The following SUFU variants were observed in gnomAD, a reference collection of about 807,000 sequenced individuals.
SUFU encodes suppressor of fused homolog.
A neutral mutation model predicts 58.9 loss-of-function variants in SUFU; 7 were observed. The observed-to-expected ratio is 0.12, with a 90% CI of 0.07 to 0.22. SUFU has a LOEUF of 0.22. SUFU is among the 10% of genes least tolerant of loss of function. The pLI is 1.00. For synonymous variants in SUFU, 232 were observed against 254.8 expected, an observed-to-expected ratio of 0.91 and a Z score of 0.85; for missense variants, 451 against 641.3, an observed-to-expected ratio of 0.70 and a Z score of 3.20.
chr10:102,596,556 T>C (rs2063463831), intron 6 of SUFU, among the ~76,000 whole-genome samples: 1 of 152,216 alleles, frequency 6.6e-6, no homozygotes, highest in Admixed American at 6.5e-5. Flanking sequence ...TCCAGAGTCC[T>C]TTGCTAAACA....
At chr10:102,526,036 G>A (rs2062604699) in intron 2 of SUFU, among the ~76,000 whole-genome samples, 1 of 152,098 alleles carries the variant, frequency 6.6e-6, no homozygotes, top group Non-Finnish European at 1.5e-5. Context: ...GAGCTCAGGA[G>A]TTCTGGGCTA....
At chr10:102,579,944 A>G in intron 3 of SUFU, 1 of 824,102 alleles carries the variant, frequency 1.2e-6, no homozygotes, top group Non-Finnish European at 1.5e-6. Flanking sequence ...GCGCCATTTG[A>G]CCAGCTATGA....
intron 2 of SUFU, among the ~76,000 whole-genome samples, chr10:102,514,377 G>C (rs563336658): frequency 6.6e-6 from 1 of 152,280 alleles, no homozygotes; most frequent in East Asian, 1.9e-4. Context: ...AGAGTATGAT[G>C]ATTTGATAAG....
intron 8 of SUFU, among the ~76,000 whole-genome samples, chr10:102,605,930 G>A (rs2063558822): frequency 6.6e-6 from 1 of 152,202 alleles, no homozygotes; most frequent in Non-Finnish European, 1.5e-5. Context: ...CACTGCAGAC[G>A]TCATGACTCA....
rs2063804913 is a variant in SUFU at position 102,628,257 on chromosome 10, G to T, written c.1365+1014G>T. 6.6e-6 allele frequency among the ~76,000 whole-genome samples: 1 copy of T among 152,222 alleles called. No homozygotes were observed. The highest frequency in any genetic ancestry group is 1.5e-5 in the Non-Finnish European group (1 of 68,028). ...AGGCCTCTGGTGTTTAGGAAGCTGA[G>T]GGGAGTGCACAGGGCGGGACCGTCC... On this transcript the variant is annotated intron_variant, in intron 11 of 11. Coordinates refer to ENST00000369902, the MANE Select transcript of SUFU (RefSeq NM_016169.4). The surrounding 1 kb of genome is among the most constrained non-coding windows in gnomAD (Gnocchi z 4.5).
intron 2 of SUFU, among the ~76,000 whole-genome samples, chr10:102,544,116 T>A (rs1391414449): frequency 6.6e-6 from 1 of 151,820 alleles, no homozygotes; most frequent in East Asian, 1.9e-4. Context: ...AAAGATGAGC[T>A]TTGGAGTTAT....
intron 3 of SUFU, among the ~76,000 whole-genome samples, chr10:102,589,377 A>G (rs1034230795): frequency 1.3e-5 from 2 of 150,928 alleles, no homozygotes; most frequent in East Asian, 1.9e-4. Context: ...ATACAATATC[A>G]TGCTATCCAT....
At chr10:102,545,712 G>C (rs1449952714) in intron 2 of SUFU, among the ~76,000 whole-genome samples, 2 of 152,252 alleles carry the variant, frequency 1.3e-5, no homozygotes, top group Middle Eastern at 3.4e-3. Context: ...AGTGGCTCAC[G>C]CCTGTAATCC....
chr10:102,595,496 G>A (rs2063451729), intron 6 of SUFU, among the ~76,000 whole-genome samples: 1 of 152,196 alleles, frequency 6.6e-6, no homozygotes, highest in African/African-American at 2.4e-5. Context: ...GGGGCACTGT[G>A]GGCCGTTGTT....
chr10:102,617,863 G>A lies in SUFU; in HGVS notation c.1296+435G>A. The A allele has an allele frequency of 2.6e-6, 1 of 386,260 alleles. No individual in the cohort carries two copies. The highest frequency in any genetic ancestry group is 4.6e-6 in the Non-Finnish European group (1 of 216,114). 23.9% of individuals were successfully genotyped at this position (386,260 alleles called of 1,614,324 possible). On this transcript the variant is annotated intron_variant, in intron 10 of 11. Coordinates refer to ENST00000369902, the MANE Select transcript of SUFU (RefSeq NM_016169.4). This position sits in a 1 kb window ranked among gnomAD's most constrained non-coding sequence, Gnocchi z 4.4. The stretch of plus-strand genomic sequence containing the variant: ...ATTCAGACAGTGGCATGTGTGCCTG[G>A]ACCAGGGCTGGGCAGGCCTCAGTGG...
chr10:102,577,106 T>TG (rs1443653723), intron 3 of SUFU, among the ~76,000 whole-genome samples: 1 of 127,648 alleles, frequency 7.8e-6, no homozygotes, highest in Non-Finnish European at 1.6e-5. Context: ...TTTTTTGAGA[T>TG]GGAGTCTCAC....
chr10:102,525,843 A>G (rs2062603033), intron 2 of SUFU, among the ~76,000 whole-genome samples: 1 of 152,228 alleles, frequency 6.6e-6, no homozygotes, highest in African/African-American at 2.4e-5. Context: ...CTAAATATCC[A>G]GTGCTTTCTT....
At chr10:102,545,400 C>T (rs1483705403) in intron 2 of SUFU, among the ~76,000 whole-genome samples, 2 of 149,584 alleles carry the variant, frequency 1.3e-5, no homozygotes, top group Non-Finnish European at 3.0e-5. Flanking sequence ...CCCCAAAGTG[C>T]TGGTATTACA....
At chr10:102,502,913 G>A (rs1172274006), upstream of SUFU, among the ~76,000 whole-genome samples, 1 of 152,256 alleles carries the variant, frequency 6.6e-6, no homozygotes, top group Non-Finnish European at 1.5e-5. Flanking sequence ...TAAACAGCCA[G>A]AGACACAGGT....
intron 3 of SUFU, chr10:102,590,838 C>A (rs950171033): frequency 6.6e-6 from 1 of 152,154 alleles, no homozygotes; most frequent in Non-Finnish European, 1.5e-5. Flanking sequence ...TAGAAACACA[C>A]TTACGTAAAA....
Position 102,512,326 on chromosome 10 carries a change from A to G in SUFU, c.317+3023A>G, listed in dbSNP as rs532225600. Among the ~76,000 whole-genome samples, 234 of 152,342 alleles carry G rather than the reference A, an allele frequency of 1.5e-3. 1 individual carries two copies. The highest frequency in any genetic ancestry group is 2.3e-3 in the Non-Finnish European group (156 of 68,040). ...TGCTGGACCTTAATTTATATTTTTAATAAGAACCTGCAGAGAGTATTTAGT... is the reference window on the plus strand; with the variant it reads ...TGCTGGACCTTAATTTATATTTTTAGTAAGAACCTGCAGAGAGTATTTAGT... On this transcript the variant is annotated intron_variant, in intron 2 of 11. Transcript: ENST00000369902.
chr10:102,522,878 T>C (rs1368854673), intron 2 of SUFU, among the ~76,000 whole-genome samples: 1 of 152,206 alleles, frequency 6.6e-6, no homozygotes. Context: ...CTGGTCCTCA[T>C]TGGGCTGAAG....
chr10:102,540,914 C>T (rs977496920), intron 2 of SUFU, among the ~76,000 whole-genome samples: 1 of 151,690 alleles, frequency 6.6e-6, no homozygotes. Flanking sequence ...CCCAGCTACT[C>T]GGGAGGCTGA....
chr10:102,604,647 A>T (rs2063545543), intron 8 of SUFU, among the ~76,000 whole-genome samples: 1 of 152,192 alleles, frequency 6.6e-6, no homozygotes, highest in Non-Finnish European at 1.5e-5. Flanking sequence ...TAGAGAAAGG[A>T]AATGACTCAG....
Sources: allele counts gnomAD v4.1 joint callset (sites outside exome capture counted in the v4.1 genomes callset), GRCh38; gene constraint gnomAD v4.1.1; non-coding constraint Gnocchi (gnomAD v3.1); transcripts MANE v1.5; gene names NCBI Gene and HGNC (gene_info 2026-07-23, HGNC 2026-07-21).